ZNF536: variants seen among roughly 807,000 people sequenced by gnomAD.
ZNF536 encodes zinc finger protein 536.
A neutral mutation model predicts 84.5 loss-of-function variants in ZNF536; 13 were observed. That is an observed-to-expected ratio of 0.15 (90% CI 0.10 to 0.24). ZNF536 has a LOEUF of 0.24. Among genes scored for constraint, ZNF536 ranks in the 10% least tolerant of loss-of-function variants. The pLI is 1.00. For synonymous variants in ZNF536, 811 were observed against 742.5 expected (o/e 1.09, Z -1.50); for missense variants, 1,536 against 1,747.5 (o/e 0.88, Z 2.16).
intron 3 of ZNF536, among the ~76,000 whole-genome samples, chr19:30,358,341 T>C (rs1342137135): frequency 1.3e-5 from 2 of 152,186 alleles, no homozygotes; most frequent in Non-Finnish European, 2.9e-5. Context: ...AGTTCTCACC[T>C]GAACACAGTA....
intron 2 of ZNF536, among the ~76,000 whole-genome samples, chr19:30,303,711 C>T (rs1380645635): frequency 2.0e-5 from 3 of 152,100 alleles, no homozygotes; most frequent in African/African-American, 4.8e-5. Flanking sequence ...CCATGTCGGC[C>T]GGGCTGGTCT....
At chr19:30,634,840 T>A (rs1298958639) in intron 1 of ZNF536, among the ~76,000 whole-genome samples, 1 of 151,942 alleles carries the variant, frequency 6.6e-6, no homozygotes, top group Admixed American at 6.6e-5. Flanking sequence ...GCCAGAGCCA[T>A]GAGTAGATTA....
intron 1 of ZNF536, among the ~76,000 whole-genome samples, chr19:30,589,976 C>G (rs573652693): frequency 6.6e-6 from 1 of 152,324 alleles, no homozygotes; most frequent in South Asian, 2.1e-4. Flanking sequence ...AGAGGATCAT[C>G]TTTAAAGATA....
chr19:30,597,009 C>T (rs543358838), intron 1 of ZNF536, among the ~76,000 whole-genome samples: 3 of 152,180 alleles, frequency 2.0e-5, no homozygotes. Context: ...GGTTCTGAGG[C>T]TTTCTGGCTT....
At chr19:30,250,748 T>A (rs998063926) in intron 1 of ZNF536, among the ~76,000 whole-genome samples, 1 of 151,160 alleles carries the variant, frequency 6.6e-6, no homozygotes, top group African/African-American at 2.4e-5. Context: ...TCTATACCAC[T>A]CCCCCCATAT....
At chr19:30,454,367 G>T (rs1043391391) in intron 2 of ZNF536, among the ~76,000 whole-genome samples, 1 of 152,150 alleles carries the variant, frequency 6.6e-6, no homozygotes, top group Non-Finnish European at 1.5e-5. Context: ...GGTCATCGTG[G>T]CTTTTGGACA....
rs568678781 is a variant in ZNF536, at chr19:30,590,865, G to A, written c.169+41351G>A. ...TTAGATGTCCAGCTGTTGAAGGGAAGGCCAGTCCTTGGGAAGGATGGTTGC... is the reference window on the plus strand; with the variant it reads ...TTAGATGTCCAGCTGTTGAAGGGAAAGCCAGTCCTTGGGAAGGATGGTTGC... On this transcript the variant is annotated intron_variant, in intron 1 of 1. Transcript: ENST00000592773. 1.7e-4 allele frequency among the ~76,000 whole-genome samples: 26 copies of A among 152,356 alleles called. No individual in the cohort carries two copies. The East Asian group carries it at 4.4e-3, about 26-fold the overall frequency.
chr19:30,531,447 T>A (rs1666963063), intron 2 of ZNF536, among the ~76,000 whole-genome samples: 1 of 114,210 alleles, frequency 8.8e-6, no homozygotes, highest in Non-Finnish European at 1.8e-5. Flanking sequence ...TTTTTGTGAT[T>A]TTTTTTTTTT....
At chr19:30,570,968 C>T (rs1035850057) in intron 1 of ZNF536, among the ~76,000 whole-genome samples, 2 of 152,158 alleles carry the variant, frequency 1.3e-5, no homozygotes, top group African/African-American at 2.4e-5. Flanking sequence ...ATCCTCTGGA[C>T]AGGTGGTCAG....
intron 3 of ZNF536, among the ~76,000 whole-genome samples, chr19:30,535,541 C>T (rs946385514): frequency 5.3e-5 from 8 of 152,112 alleles, no homozygotes; most frequent in Non-Finnish European, 1.2e-4. Flanking sequence ...CCCTGTATCT[C>T]CTCAAAGAAG....
At chr19:30,420,309 G>GGCCCC (rs1433026023) in intron 1 of ZNF536, among the ~76,000 whole-genome samples, 1 of 152,214 alleles carries the variant, frequency 6.6e-6, no homozygotes, top group Non-Finnish European at 1.5e-5. Context: ...TGTCTTGGAA[G>GGCCCC]ACCCCACAAG....
In ZNF536 at chr19:30,327,048, C is replaced by T. The variant is rs534467240; in HGVS notation, c.-119-25320C>T. Reference sequence around the variant, plus strand: ...TGTTGTTGCTTCAGCCCAGCAATAACTGGAGGCTGCAGTGAGCCTTGATTG... The same window carrying T: ...TGTTGTTGCTTCAGCCCAGCAATAATTGGAGGCTGCAGTGAGCCTTGATTG... On this transcript the variant is annotated intron_variant, in intron 2 of 5. Transcript: ENST00000585628. Among the ~76,000 whole-genome samples, 3 of 152,158 alleles carry T rather than the reference C, an allele frequency of 2.0e-5. No homozygotes were observed. In the East Asian group the frequency reaches 5.8e-4, roughly 29 times the overall value.
intron 1 of ZNF536, among the ~76,000 whole-genome samples, chr19:30,425,248 A>G (rs549203735): frequency 2.0e-5 from 3 of 152,110 alleles, no homozygotes; most frequent in Admixed American, 2.0e-4. Flanking sequence ...TGGAAAAAAA[A>G]AAACAAAGAT....
chr19:30,572,468 C>T (rs1040332735), intron 1 of ZNF536, among the ~76,000 whole-genome samples: 19 of 152,162 alleles, frequency 1.2e-4, no homozygotes, highest in Non-Finnish European at 2.8e-4. Flanking sequence ...CCCTCCACTC[C>T]CTAACCTCAC....
Position 30,683,121 on chromosome 19 carries a change from C to T in ZNF536, c.170-27636C>T, listed in dbSNP as rs934635224. Among the ~76,000 whole-genome samples, 6 of 152,218 alleles carry T rather than the reference C, an allele frequency of 3.9e-5. 1 individual carries two copies. In the South Asian group the frequency reaches 8.3e-4, roughly 21 times the overall value. ...ATTTTCCTCCGAGTGACTCACGCGC[C>T]GTGCCTCCGGCTGCCCTCTAGGTGG... On this transcript the variant is annotated intron_variant, in intron 1 of 1. Transcript: ENST00000592773.
chr19:30,343,308 G>A (rs2047624843), intron 2 of ZNF536, among the ~76,000 whole-genome samples: 1 of 152,198 alleles, frequency 6.6e-6, no homozygotes, highest in South Asian at 2.1e-4. Context: ...GAGACTGTGT[G>A]TTTACGCCTC....
At chr19:30,440,933 AGATAGATT>A (rs2052016126) in intron 1 of ZNF536, among the ~76,000 whole-genome samples, 1 of 124,816 alleles carries the variant, frequency 8.0e-6, no homozygotes, top group Non-Finnish European at 1.7e-5. Context: ...ATAGATAGAT[AGATAGATT>A]TGAAAAAAAT....
At chr19:30,561,272 G>C (rs1366954053), downstream of ZNF536, among the ~76,000 whole-genome samples, 1 of 152,222 alleles carries the variant, frequency 6.6e-6, no homozygotes, top group Non-Finnish European at 1.5e-5. Context: ...ACTGGGAAGA[G>C]AGCTGGGGTT....
At chr19:30,665,987 T>C (rs2050301548) in intron 1 of ZNF536, among the ~76,000 whole-genome samples, 1 of 152,144 alleles carries the variant, frequency 6.6e-6, no homozygotes. Context: ...TTATTTGGGA[T>C]CCTGGGGTCC....
Sources: allele counts gnomAD v4.1 joint callset (sites outside exome capture counted in the v4.1 genomes callset), GRCh38; gene constraint gnomAD v4.1.1; transcripts MANE v1.5; gene names NCBI Gene and HGNC (gene_info 2026-07-23, HGNC 2026-07-21).